The following EXT1 variants were observed in gnomAD, a reference collection of about 807,000 sequenced individuals.
EXT1 encodes exostosin glycosyltransferase 1, also known as exostosin-1.
EXT1 carries 20 observed loss-of-function variants against 82.5 expected under a neutral mutation model. The observed-to-expected ratio is 0.24, with a 90% CI of 0.17 to 0.35. EXT1 has a LOEUF of 0.35. Among genes scored for constraint, EXT1 ranks in the 10% least tolerant of loss-of-function variants. The pLI, the probability that EXT1 is intolerant of heterozygous loss-of-function variation, is 1.00. For missense variants in EXT1, 757 were observed against 936.5 expected, an observed-to-expected ratio of 0.81 and a Z score of 2.50; for synonymous variants, 348 against 350.8, an observed-to-expected ratio of 0.99 and a Z score of 0.09.
intron 1 of EXT1, among the ~76,000 whole-genome samples, chr8:117,871,288 C>A (rs1416096112): frequency 6.6e-6 from 1 of 152,146 alleles, no homozygotes; most frequent in Non-Finnish European, 1.5e-5. Context: ...AACTTCAAGA[C>A]AAAAATGCAG....
At chr8:117,883,671 C>G (rs973915133) in intron 1 of EXT1, among the ~76,000 whole-genome samples, 1 of 152,184 alleles carries the variant, frequency 6.6e-6, no homozygotes, top group Non-Finnish European at 1.5e-5. Context: ...CTAATGTCAG[C>G]AAAGTCCACT....
In EXT1 at chr8:117,798,378, C is replaced by T. The variant is rs1434733554; in HGVS notation, c.*1334G>A. 1 of 152,002 alleles carries T rather than the reference C, an allele frequency of 6.6e-6. No individual in the cohort carries two copies. The highest frequency in any genetic ancestry group is 1.9e-4 in the East Asian group (1 of 5,186). The allele number at this position is 152,002 out of a possible 1,614,324, so 9.4% of individuals were successfully genotyped here. On this transcript the variant is annotated 3_prime_UTR_variant, in exon 11 of 11. Coordinates refer to ENST00000378204, the MANE Select transcript of EXT1 (RefSeq NM_000127.3). ...GAAAGCATTTAATATCAGAAGTCTC[C>T]ATTTTTCATAACAGAGTTAGGGATA... is the stretch of plus-strand genomic sequence containing the variant.
rs59973422 is a variant in EXT1 at position 117,870,823 on chromosome 8, T to TCACA, written c.963-33626_963-33623dup. 5.9e-3 allele frequency among the ~76,000 whole-genome samples: 871 copies of TCACA among 146,826 alleles called. 3 individuals are homozygous for TCACA. The highest frequency in any genetic ancestry group is 7.1e-3 in the Non-Finnish European group (474 of 67,086). ...CAGTGGGTATACCATAAATGCTTTGTCACACACACACACACACACACACAC... is the reference window on the plus strand; with the variant it reads ...CAGTGGGTATACCATAAATGCTTTGTCACACACACACACACACACACACACACAC... On this transcript the variant is annotated intron_variant, in intron 1 of 10. Transcript: ENST00000378204.
chr8:117,883,245 G>A (rs1487446385), intron 1 of EXT1, among the ~76,000 whole-genome samples: 1 of 152,172 alleles, frequency 6.6e-6, no homozygotes, highest in Non-Finnish European at 1.5e-5. Flanking sequence ...TTTTTCTTTT[G>A]AGTATCGGAA....
At position 118,110,490 on chromosome 8, in the gene EXT1, T is replaced by C. The variant is rs1387642251; in HGVS notation, c.557A>G (p.Asn186Ser). Residue 186 changes from asparagine to serine, a missense_variant, in exon 1 of 11, where the codon AAT (asparagine) becomes AGT (serine). Physicochemically the swap from Asn to Ser is conservative, Grantham distance 46. This residue lies in a region of EXT1 where 247 missense variants were observed against 330.1 expected (regional missense o/e 0.75). Coordinates refer to ENST00000378204, the MANE Select transcript of EXT1 (RefSeq NM_000127.3). ...SKVQSLHLWN[N>S]GRNHLIFNLY... ...ATTAAAAATTAAATGATTCCTACCA[T>C]TGTTCCACAAGTGGAGACTCTGCAC... 3.1e-6 allele frequency: 5 copies of C among 1,613,970 alleles called. No homozygotes were observed. Among genetic ancestry groups the C allele is most frequent in the East Asian group, 2.2e-5 (1 of 44,864 alleles).
chr8:117,817,027 G>A (rs1811834382), intron 7 of EXT1, among the ~76,000 whole-genome samples: 1 of 152,138 alleles, frequency 6.6e-6, no homozygotes, highest in South Asian at 2.1e-4. Flanking sequence ...ATGAAACTGT[G>A]CTTATGGTGA....
intron 1 of EXT1, among the ~76,000 whole-genome samples, chr8:118,059,733 G>A (rs1474096477): frequency 2.0e-5 from 3 of 152,054 alleles, no homozygotes; most frequent in Non-Finnish European, 4.4e-5. Flanking sequence ...CTTTACTTCC[G>A]CCAGCTCCTC....
At chr8:117,835,678 G>A (rs1353413375) in intron 2 of EXT1, 127 bp from the exon 3 acceptor site, 3 of 728,372 alleles carry the variant, frequency 4.1e-6, no homozygotes, top group Non-Finnish European at 7.3e-6. Flanking sequence ...GGACTGCCTA[G>A]GCCAGAAGGA....
intron 1 of EXT1, among the ~76,000 whole-genome samples, chr8:118,065,614 G>A (rs1816971409): frequency 1.3e-5 from 2 of 152,154 alleles, no homozygotes; most frequent in Non-Finnish European, 2.9e-5. Context: ...TTGTAAAACT[G>A]CATATTGTGT....
intron 1 of EXT1, among the ~76,000 whole-genome samples, chr8:117,867,497 A>T (rs1033448924): frequency 2.0e-5 from 3 of 152,150 alleles, no homozygotes; most frequent in African/African-American, 7.2e-5. Flanking sequence ...CTACCTGCCC[A>T]TTATGAATTG....
At chr8:118,036,815 T>C (rs1262781132) in intron 1 of EXT1, among the ~76,000 whole-genome samples, 2 of 152,168 alleles carry the variant, frequency 1.3e-5, no homozygotes, top group Admixed American at 6.5e-5. Context: ...CCTTTCTCCA[T>C]TGTTCTTTTG....
intron 1 of EXT1, among the ~76,000 whole-genome samples, chr8:117,949,149 C>T (rs1398238227): frequency 6.6e-6 from 1 of 152,076 alleles, no homozygotes; most frequent in Non-Finnish European, 1.5e-5. Context: ...TCATGCTAAC[C>T]CTCAGAACCA....
At chr8:117,861,330 T>C (rs986868520) in intron 1 of EXT1, among the ~76,000 whole-genome samples, 16 of 152,200 alleles carry the variant, frequency 1.1e-4, no homozygotes, top group African/African-American at 3.9e-4. Context: ...ACACAGGGAC[T>C]AGTTTGTTAT....
At chr8:117,937,735 A>C (rs1332894432) in intron 1 of EXT1, among the ~76,000 whole-genome samples, 1 of 152,264 alleles carries the variant, frequency 6.6e-6, no homozygotes, top group Non-Finnish European at 1.5e-5. Flanking sequence ...ACTCTTATGC[A>C]CTACATGCCA....
intron 1 of EXT1, among the ~76,000 whole-genome samples, chr8:118,070,675 G>A (rs1340934114): frequency 6.6e-6 from 1 of 152,152 alleles, no homozygotes; most frequent in Non-Finnish European, 1.5e-5. Flanking sequence ...GTGAATTAAT[G>A]GGAATTGTAT....
intron 1 of EXT1, among the ~76,000 whole-genome samples, chr8:118,045,502 G>A (rs892944757): frequency 3.3e-5 from 5 of 152,090 alleles, no homozygotes; most frequent in Admixed American, 6.6e-5. Flanking sequence ...GGGCATGTGC[G>A]TATTAACAAC....
At chr8:117,864,959 TA>T (rs201292379) in intron 1 of EXT1, among the ~76,000 whole-genome samples, 1 of 151,560 alleles carries the variant, frequency 6.6e-6, no homozygotes, top group Non-Finnish European at 1.5e-5. Flanking sequence ...TGTTTTTTTT[TA>T]AAAAAATAGA....
chr8:118,069,686 G>C (rs940210338), intron 1 of EXT1, among the ~76,000 whole-genome samples: 1 of 152,102 alleles, frequency 6.6e-6, no homozygotes, highest in Non-Finnish European at 1.5e-5. Flanking sequence ...CAGGTTAAAG[G>C]ATACTTGTAG....
chr8:118,057,684 TA>T (rs768041911), intron 1 of EXT1, among the ~76,000 whole-genome samples: 2 of 150,414 alleles, frequency 1.3e-5, no homozygotes, highest in Non-Finnish European at 3.0e-5. Context: ...AAAAAAAATC[TA>T]AAGTGAGGCT....
Sources: allele counts gnomAD v4.1 joint callset (sites outside exome capture counted in the v4.1 genomes callset), GRCh38; gene constraint gnomAD v4.1.1; regional missense constraint gnomAD v4.1.1; transcripts MANE v1.5; gene names NCBI Gene and HGNC (gene_info 2026-07-23, HGNC 2026-07-21).